Variants in GRM7 observed in about 807,000 individuals in gnomAD.
GRM7 encodes the protein glutamate metabotropic receptor 7.
Under a neutral mutation model 84.5 loss-of-function variants are expected in GRM7, and 35 were observed. The observed-to-expected ratio is 0.41, with a 90% CI of 0.32 to 0.55. GRM7 has a LOEUF of 0.55. Among genes scored for constraint, GRM7 ranks in the 20% least tolerant of loss-of-function variants. The probability of loss-of-function intolerance (pLI) is 0.19; values close to 1 mark genes in which losing one functional copy is unlikely to be tolerated. For synonymous variants in GRM7, 487 were observed against 455.1 expected (o/e 1.07, Z -0.89); for missense variants, 1,003 against 1,194.6 (o/e 0.84, Z 2.36).
chr3:7,299,889 TC>T (rs1257109157), intron 3 of GRM7, among the ~76,000 whole-genome samples: 1 of 152,106 alleles, frequency 6.6e-6, no homozygotes, highest in Non-Finnish European at 1.5e-5. Flanking sequence ...TTTGCACAAA[TC>T]TGTGTGTATA....
intron 2 of GRM7, among the ~76,000 whole-genome samples, chr3:7,201,361 T>G (rs927345322): frequency 2.0e-5 from 3 of 152,120 alleles, no homozygotes; most frequent in African/African-American, 7.2e-5. Flanking sequence ...AACATGAAAA[T>G]AGTGGAAGAT....
rs1051421305 is a variant in GRM7 at position 7,649,130 on chromosome 3, T to C, written c.2452-30919T>C. On this transcript the variant is annotated intron_variant, in intron 8 of 9. Coordinates refer to ENST00000357716, the MANE Select transcript of GRM7 (RefSeq NM_000844.4). ...TGTTGCCCAGGCTGGAGTGCAGTGG[T>C]GCGATCTCGGCTCACTGCTAGCTCC... is the stretch of plus-strand genomic sequence containing the variant. 5.3e-5 allele frequency among the ~76,000 whole-genome samples: 8 copies of C among 151,862 alleles called. No homozygotes were observed. In the East Asian group the frequency reaches 9.7e-4, roughly 18 times the overall value.
At chr3:6,889,325 T>A (rs530435514) in intron 1 of GRM7, among the ~76,000 whole-genome samples, 1 of 152,328 alleles carries the variant, frequency 6.6e-6, no homozygotes, top group South Asian at 2.1e-4. Context: ...TCAAAGGGAA[T>A]GCTTCCAGTT....
chr3:7,407,199 A>G (rs1695717942), intron 4 of GRM7, among the ~76,000 whole-genome samples: 1 of 152,178 alleles, frequency 6.6e-6, no homozygotes, highest in African/African-American at 2.4e-5. Context: ...AAGGAAGGAT[A>G]GCAGGAGCCT....
At chr3:7,366,797 C>T (rs1247735481) in intron 4 of GRM7, among the ~76,000 whole-genome samples, 1 of 151,762 alleles carries the variant, frequency 6.6e-6, no homozygotes, top group South Asian at 2.1e-4. Context: ...ACTCTACTCT[C>T]TTATCAGTTT....
At chr3:7,533,749 T>G (rs2125007759) in intron 7 of GRM7, among the ~76,000 whole-genome samples, 1 of 152,278 alleles carries the variant, frequency 6.6e-6, no homozygotes, top group South Asian at 2.1e-4. Context: ...GAAAATGAAA[T>G]CAATATTTAA....
At chr3:7,137,239 C>A (rs916738200) in intron 1 of GRM7, among the ~76,000 whole-genome samples, 12 of 151,956 alleles carry the variant, frequency 7.9e-5, no homozygotes, top group African/African-American at 2.9e-4. Context: ...ATTGTTTCTC[C>A]TAGAGTTACA....
At chr3:7,333,177 T>C (rs1701276163) in intron 4 of GRM7, among the ~76,000 whole-genome samples, 1 of 152,176 alleles carries the variant, frequency 6.6e-6, no homozygotes, top group Admixed American at 6.5e-5. Context: ...ACTTCTCTGC[T>C]AGCATAACCA....
chr3:7,701,032 C>A (rs1701206700), intron 9 of GRM7, among the ~76,000 whole-genome samples: 1 of 152,136 alleles, frequency 6.6e-6, no homozygotes, highest in African/African-American at 2.4e-5. Flanking sequence ...CCCTTTTTAC[C>A]CTTTCCCCCA....
intron 7 of GRM7, 83 bp from the exon 8 acceptor site, chr3:7,578,339 A>G (rs2125052285): frequency 1.2e-6 from 1 of 856,466 alleles, no homozygotes. Context: ...GTCACTTGCC[A>G]TGAGTACTGT....
chr3:7,588,408 G>A (rs73809433), intron 8 of GRM7, among the ~76,000 whole-genome samples: 3,060 of 152,192 alleles, frequency 0.02, 90 homozygotes, highest in African/African-American at 0.068. Flanking sequence ...GACCACATTC[G>A]GCTCTGTTCG....
At chr3:7,697,178 G>A (rs1701053732) in intron 9 of GRM7, among the ~76,000 whole-genome samples, 1 of 152,082 alleles carries the variant, frequency 6.6e-6, no homozygotes, top group Non-Finnish European at 1.5e-5. Flanking sequence ...ATGAGTTTGT[G>A]TCCAGAAGTA....
At chr3:7,667,336 C>A (rs990757173) in intron 8 of GRM7, among the ~76,000 whole-genome samples, 13 of 150,398 alleles carry the variant, frequency 8.6e-5, no homozygotes, top group Non-Finnish European at 1.8e-4. Flanking sequence ...ATGAGAATAA[C>A]ATTTTCAGGC....
At chr3:7,528,025 T>C (rs1700875416) in intron 7 of GRM7, among the ~76,000 whole-genome samples, 1 of 152,056 alleles carries the variant, frequency 6.6e-6, no homozygotes, top group Non-Finnish European at 1.5e-5. Context: ...AGTATAAGCA[T>C]AATACTGGTT....
At chr3:7,714,549 G>A (rs1007221723) in intron 9 of GRM7, among the ~76,000 whole-genome samples, 8 of 152,152 alleles carry the variant, frequency 5.3e-5, no homozygotes, top group African/African-American at 1.9e-4. Context: ...TTCCATTGCA[G>A]ATTGAGTCAG....
intron 8 of GRM7, among the ~76,000 whole-genome samples, chr3:7,673,917 G>A (rs1575616899): frequency 6.6e-6 from 1 of 152,226 alleles, no homozygotes; most frequent in South Asian, 2.1e-4. Flanking sequence ...CAGTTTCAAA[G>A]CAACTACACA....
At chr3:7,356,689 C>T (rs1418304930) in intron 4 of GRM7, among the ~76,000 whole-genome samples, 1 of 152,080 alleles carries the variant, frequency 6.6e-6, no homozygotes, top group Non-Finnish European at 1.5e-5. Flanking sequence ...TCCATGTTAT[C>T]AGAGTCTTTG....
At chr3:6,951,180 G>C (rs1347191809) in intron 1 of GRM7, among the ~76,000 whole-genome samples, 1 of 152,116 alleles carries the variant, frequency 6.6e-6, no homozygotes, top group Admixed American at 6.5e-5. Flanking sequence ...GGCCATCTTG[G>C]CTCCACCCCC....
Position 7,446,683 on chromosome 3 carries a change from C to T in GRM7, c.1175-5924C>T, listed in dbSNP as rs561790395. On this transcript the variant is annotated intron_variant, in intron 5 of 9. Coordinates refer to ENST00000357716, the MANE Select transcript of GRM7 (RefSeq NM_000844.4). ...CCATGTTGGCCAGGCTGGTCTTGAA[C>T]TCCTGACCTCAGGTGATCTGCCCAC... 2.0e-5 allele frequency among the ~76,000 whole-genome samples: 3 copies of T among 152,200 alleles called. No homozygotes were observed. The East Asian group carries it at 5.8e-4, about 29-fold the overall frequency.
Sources: allele counts gnomAD v4.1 joint callset (sites outside exome capture counted in the v4.1 genomes callset), GRCh38; gene constraint gnomAD v4.1.1; transcripts MANE v1.5; gene names NCBI Gene and HGNC (gene_info 2026-07-23, HGNC 2026-07-21).